RABGAP1L: variants seen among roughly 807,000 people sequenced by gnomAD.
RABGAP1L encodes the protein RAB GTPase activating protein 1 like.
RABGAP1L carries 63 observed loss-of-function variants against 137.7 expected under a neutral mutation model. The ratio of observed to expected loss-of-function variants is 0.46; its 90% CI spans 0.37 to 0.56. The LOEUF (loss-of-function observed/expected upper bound fraction) is 0.56, where lower values mean the gene tolerates loss of function less well. Ranked by LOEUF, RABGAP1L falls within the 20% of genes least tolerant of loss-of-function variation. The pLI is 0.00. For missense variants in RABGAP1L, 1,095 were observed against 1,244.0 expected, an observed-to-expected ratio of 0.88 and a Z score of 1.80; for synonymous variants, 431 against 433.7, an observed-to-expected ratio of 0.99 and a Z score of 0.08.
At chr1:174,488,117 T>G (rs1196082607) in intron 13 of RABGAP1L, among the ~76,000 whole-genome samples, 1 of 152,148 alleles carries the variant, frequency 6.6e-6, no homozygotes, top group African/African-American at 2.4e-5. Flanking sequence ...TATTTACTGT[T>G]ACTAGTGAGT....
In RABGAP1L at chr1:174,645,231, G is replaced by A. The variant is rs538880770; in HGVS notation, c.1824+7743G>A. On this transcript the variant is annotated intron_variant, in intron 14 of 25. Coordinates refer to ENST00000681986, the MANE Select transcript of RABGAP1L (RefSeq NM_001366446.1). ...AAATATTTTATAAAATTTAGATTATGTATTATATATATCTTTTCAATTATA... is the reference window on the plus strand; with the variant it reads ...AAATATTTTATAAAATTTAGATTATATATTATATATATCTTTTCAATTATA... 1.5e-3 allele frequency among the ~76,000 whole-genome samples: 222 copies of A among 151,900 alleles called. 2 individuals are homozygous for A. Among genetic ancestry groups the A allele is most frequent in the Middle Eastern group, 0.01 (3 of 294 alleles).
chr1:174,333,045 CA>C (rs1343592960), intron 11 of RABGAP1L, among the ~76,000 whole-genome samples: 1 of 152,170 alleles, frequency 6.6e-6, no homozygotes, highest in Non-Finnish European at 1.5e-5. Context: ...GGGCATTATG[CA>C]AAGTGTAATA....
At chr1:174,482,223 A>T (rs1659169666) in intron 13 of RABGAP1L, among the ~76,000 whole-genome samples, 1 of 152,240 alleles carries the variant, frequency 6.6e-6, no homozygotes, top group Non-Finnish European at 1.5e-5. Flanking sequence ...CTCCAAAAGG[A>T]ATGCAGCTGA....
intron 13 of RABGAP1L, among the ~76,000 whole-genome samples, chr1:174,596,635 T>C (rs1183610579): frequency 1.3e-5 from 2 of 152,220 alleles, no homozygotes; most frequent in African/African-American, 2.4e-5. Flanking sequence ...TAGGTTTTTC[T>C]AAATATAAGA....
At chr1:174,663,415 G>A (rs998287082) in intron 14 of RABGAP1L, among the ~76,000 whole-genome samples, 1 of 152,146 alleles carries the variant, frequency 6.6e-6, no homozygotes. Flanking sequence ...TGCTGTACAA[G>A]TTTGTAGCTG....
chr1:174,201,828 T>A (rs12748712), intron 1 of RABGAP1L, among the ~76,000 whole-genome samples: 1 of 116,724 alleles, frequency 8.6e-6, no homozygotes, highest in African/African-American at 3.4e-5. Context: ...CAGTCCCCGG[T>A]GTGTAATGTT....
intron 14 of RABGAP1L, among the ~76,000 whole-genome samples, chr1:174,641,822 A>T (rs1674551611): frequency 6.6e-6 from 1 of 151,936 alleles, no homozygotes; most frequent in South Asian, 2.1e-4. Flanking sequence ...TGTTGTTCAA[A>T]TTTTTTTTCC....
At chr1:174,551,006 A>ATG (rs1666488043) in intron 13 of RABGAP1L, among the ~76,000 whole-genome samples, 2 of 124,180 alleles carry the variant, frequency 1.6e-5, no homozygotes, top group African/African-American at 7.4e-5. Context: ...ACACATATAT[A>ATG]TATATATATA....
intron 11 of RABGAP1L, among the ~76,000 whole-genome samples, chr1:174,316,154 A>G (rs1324540219): frequency 6.6e-6 from 1 of 151,966 alleles, no homozygotes; most frequent in East Asian, 1.9e-4. Flanking sequence ...TGTTATCTTG[A>G]ATTTCTTTGA....
chr1:174,912,486 C>T (rs1180468351), intron 19 of RABGAP1L, among the ~76,000 whole-genome samples: 1 of 152,162 alleles, frequency 6.6e-6, no homozygotes, highest in Non-Finnish European at 1.5e-5. Context: ...AGAACATACT[C>T]ATATCTAGAA....
At chr1:174,342,064 C>T (rs965953127) in intron 11 of RABGAP1L, among the ~76,000 whole-genome samples, 9 of 151,880 alleles carry the variant, frequency 5.9e-5, no homozygotes, top group African/African-American at 1.5e-4. Flanking sequence ...TTCAGTAAAG[C>T]GTGTGTTTTA....
chr1:174,970,383 C>A (rs887324909), intron 21 of RABGAP1L, among the ~76,000 whole-genome samples: 1 of 152,168 alleles, frequency 6.6e-6, no homozygotes, highest in Non-Finnish European at 1.5e-5. Context: ...CATTTTGAAT[C>A]TTTTATCCAT....
At chr1:174,639,111 T>C (rs1432142387) in intron 14 of RABGAP1L, among the ~76,000 whole-genome samples, 1 of 152,148 alleles carries the variant, frequency 6.6e-6, no homozygotes, top group Non-Finnish European at 1.5e-5. Context: ...ATGGCACGAC[T>C]TTCATTAAAG....
At chr1:174,557,021 C>T (rs1666925850) in intron 13 of RABGAP1L, among the ~76,000 whole-genome samples, 1 of 152,188 alleles carries the variant, frequency 6.6e-6, no homozygotes, top group African/African-American at 2.4e-5. Flanking sequence ...ATGACATGAA[C>T]TGGCACATTT....
At chr1:174,790,195 G>A (rs1431749451) in intron 18 of RABGAP1L, among the ~76,000 whole-genome samples, 2 of 150,882 alleles carry the variant, frequency 1.3e-5, no homozygotes, top group East Asian at 3.9e-4. Context: ...GGGAGACAGA[G>A]CAAGACTTTG....
intron 13 of RABGAP1L, among the ~76,000 whole-genome samples, chr1:174,616,993 C>A (rs901869934): frequency 2.0e-5 from 3 of 152,016 alleles, no homozygotes; most frequent in Non-Finnish European, 4.4e-5. Context: ...ATAAGATTTC[C>A]CTTGAAAGTG....
intron 14 of RABGAP1L, among the ~76,000 whole-genome samples, chr1:174,637,772 C>A (rs925521828): frequency 3.3e-5 from 5 of 152,170 alleles, no homozygotes; most frequent in Non-Finnish European, 7.3e-5. Flanking sequence ...TATAAAAGCT[C>A]AAAAGAGTCC....
chr1:174,990,620 T>C lies in RABGAP1L; in HGVS notation c.*619T>C, dbSNP rs1376361194. Reference sequence around the variant, plus strand: ...GAAGTGCCAGGAATAGACGGGCTGTTCAGATTATACGCTAGGTAAAAGGAA... The same window carrying C: ...GAAGTGCCAGGAATAGACGGGCTGTCCAGATTATACGCTAGGTAAAAGGAA... On this transcript the variant is annotated 3_prime_UTR_variant, in exon 26 of 26. Coordinates refer to ENST00000681986, the MANE Select transcript of RABGAP1L (RefSeq NM_001366446.1). 2 of 152,222 alleles carry C rather than the reference T, an allele frequency of 1.3e-5. No individual in the cohort carries two copies. Among genetic ancestry groups the C allele is most frequent in the Admixed American group, 1.3e-4 (2 of 15,282 alleles). 9.4% of individuals were successfully genotyped at this position (152,222 alleles called of 1,614,324 possible). A position where few individuals can be genotyped will look rare whatever the true frequency, so the allele number is the denominator to read the frequency against.
chr1:174,317,780 C>T (rs1679526300), intron 11 of RABGAP1L, among the ~76,000 whole-genome samples: 1 of 152,122 alleles, frequency 6.6e-6, no homozygotes, highest in Non-Finnish European at 1.5e-5. Flanking sequence ...GCACTGTAGC[C>T]CTTGGTGGCA....
Sources: allele counts gnomAD v4.1 joint callset (sites outside exome capture counted in the v4.1 genomes callset), GRCh38; gene constraint gnomAD v4.1.1; transcripts MANE v1.5; gene names NCBI Gene and HGNC (gene_info 2026-07-23, HGNC 2026-07-21).